Variants in CYP2B6 observed in about 807,000 individuals in gnomAD.
The protein encoded by CYP2B6 is cytochrome P450 2B6.
CYP2B6 carries 35 observed loss-of-function variants against 43.4 expected under a neutral mutation model. The observed-to-expected ratio is 0.81, with a 90% confidence interval of 0.62 to 1.07. The LOEUF is 1.07. Ranked by LOEUF, CYP2B6 falls within the 50% of genes least tolerant of loss-of-function variation. The pLI is 0.00. For missense variants in CYP2B6, 624 were observed against 632.8 expected (o/e 0.99, Z 0.15); for synonymous variants, 239 against 239.2 (o/e 1.00, Z 0.01).
intron 1 of CYP2B6, among the ~76,000 whole-genome samples, chr19:41,002,706 G>A (rs1307124148): frequency 1.3e-5 from 2 of 152,030 alleles, no homozygotes; most frequent in East Asian, 3.9e-4. Context: ...GAGCCACCAT[G>A]CCTGGCTAAT....
At chr19:40,995,376 A>G (rs1968985093) in intron 1 of CYP2B6, among the ~76,000 whole-genome samples, 1 of 152,146 alleles carries the variant, frequency 6.6e-6, no homozygotes, top group South Asian at 2.1e-4. Context: ...TTTGCTACAG[A>G]GAAGAACTTG....
At chr19:41,016,201 G>A (rs1969359810) in intron 8 of CYP2B6, among the ~76,000 whole-genome samples, 1 of 151,988 alleles carries the variant, frequency 6.6e-6, no homozygotes, top group Admixed American at 6.6e-5. Context: ...CTCGAGGCTA[G>A]CCTGGCCAAT....
At chr19:41,005,999 ACAGACCACTCTCCCTCCAGCTG>A (rs1433968671) in intron 3 of CYP2B6, among the ~76,000 whole-genome samples, 174 of 152,144 alleles carry the variant, frequency 1.1e-3, no homozygotes, top group African/African-American at 4.1e-3. Flanking sequence ...TTGGGTCCTT[ACAGACCACTCTCCCTCCAGCTG>A]GGGCCAGTGC....
At chr19:40,995,259 C>T (rs1246767042) in intron 1 of CYP2B6, among the ~76,000 whole-genome samples, 2 of 152,164 alleles carry the variant, frequency 1.3e-5, no homozygotes, top group Non-Finnish European at 2.9e-5. Context: ...GGAAAAACTT[C>T]CCTGGTCAGC....
At position 41,016,956 on chromosome 19, in the gene CYP2B6, C is replaced by G. The variant is rs751814945; in HGVS notation, c.*129C>G. On this transcript the variant is annotated 3_prime_UTR_variant, in exon 9 of 9. Transcript: ENST00000324071. Reference sequence around the variant, plus strand: ...TGCTACAAGCCAGCTTCCTTCCCCTCCATGGCACCAGTTGTCTGAGGTCAC... The same window carrying G: ...TGCTACAAGCCAGCTTCCTTCCCCTGCATGGCACCAGTTGTCTGAGGTCAC... 34 of 911,350 alleles carry G rather than the reference C, an allele frequency of 3.7e-5. No individual in the cohort carries two copies. Among genetic ancestry groups the G allele is most frequent in the Non-Finnish European group, 5.6e-5 (34 of 602,928 alleles). The allele number at this position is 911,350 out of a possible 1,614,324, so 56.5% of individuals were successfully genotyped here.
chr19:41,007,256 A>T (rs1398069785), intron 4 of CYP2B6, 191 bp downstream of exon 4: 273 of 612,198 alleles, frequency 4.5e-4, no homozygotes, highest in African/African-American at 4.3e-3. Flanking sequence ...AGACACTGAG[A>T]GAGAGAATGA....
rs28969421 is a variant in CYP2B6 at position 41,018,082 on chromosome 19, G to C, written c.*1255G>C. 6.6e-6 allele frequency: 1 copy of C among 152,144 alleles called. No homozygotes were observed. The highest frequency in any genetic ancestry group is 1.5e-5 in the Non-Finnish European group (1 of 68,042). 9.4% of individuals were successfully genotyped at this position (152,144 alleles called of 1,614,324 possible). On this transcript the variant is annotated 3_prime_UTR_variant, in exon 9 of 9. Coordinates refer to ENST00000324071, the MANE Select transcript of CYP2B6 (RefSeq NM_000767.5). ...TGGTGGTGAGCTCCTGGCCTCAGGT[G>C]ATCCACCCACCTCAGTGTTCCAAAG...
At chr19:41,012,924 A>T in intron 8 of CYP2B6, 109 bp downstream of exon 8, 1 of 1,279,092 alleles carries the variant, frequency 7.8e-7, no homozygotes, top group Non-Finnish European at 1.1e-6. Context: ...ATATATTCTG[A>T]TTGCTTCACC....
chr19:41,013,069 T>C, intron 8 of CYP2B6: 1 of 503,066 alleles, frequency 2.0e-6, no homozygotes. Context: ...GTGAGTTCAT[T>C]TTCTTAAAAA....
intron 1 of CYP2B6, among the ~76,000 whole-genome samples, chr19:40,994,935 T>C (rs1481103824): frequency 6.6e-6 from 1 of 152,152 alleles, no homozygotes; most frequent in East Asian, 1.9e-4. Flanking sequence ...TTGGGGTTTC[T>C]GGGTGATTCT....
chr19:41,003,853 G>A, intron 1 of CYP2B6, 148 bp from the exon 2 acceptor site: 1 of 1,024,356 alleles, frequency 9.8e-7, no homozygotes, highest in South Asian at 1.4e-5. Flanking sequence ...ACCCTTAATT[G>A]CTGGGTCCCA....
intron 1 of CYP2B6, among the ~76,000 whole-genome samples, chr19:40,991,851 T>TG (rs1568556263): frequency 2.0e-5 from 3 of 152,020 alleles, no homozygotes; most frequent in South Asian, 2.1e-4. Context: ...TTGCAGCCTG[T>TG]GTGGACTGAA....
At chr19:41,007,988 A>C (rs1056480665) in intron 4 of CYP2B6, among the ~76,000 whole-genome samples, 1 of 151,746 alleles carries the variant, frequency 6.6e-6, no homozygotes, top group African/African-American at 2.4e-5. Context: ...CCTAAAGAAA[A>C]TGAAGGATAA....
At chr19:41,001,480 T>C (rs1268388553) in intron 1 of CYP2B6, among the ~76,000 whole-genome samples, 1 of 152,156 alleles carries the variant, frequency 6.6e-6, no homozygotes, top group Non-Finnish European at 1.5e-5. Flanking sequence ...CAGATTCTTT[T>C]TGATGTCAGA....
chr19:40,998,547 A>G (rs966100111), intron 1 of CYP2B6, among the ~76,000 whole-genome samples: 1 of 142,168 alleles, frequency 7.0e-6, no homozygotes, highest in Non-Finnish European at 1.5e-5. Flanking sequence ...AGCATTAGGT[A>G]TATCTCCCAA....
chr19:41,004,625 T>C (rs1459760261), intron 3 of CYP2B6, among the ~76,000 whole-genome samples, 179 bp downstream of exon 3: 2 of 151,162 alleles, frequency 1.3e-5, no homozygotes, highest in African/African-American at 2.4e-5. Flanking sequence ...TAGAGAGGGA[T>C]GGGGATGGGC....
rs3745274 is a variant in CYP2B6, at chr19:41,006,936, G to A, written c.516G>A (p.Gln172=). 1 of 1,613,662 alleles carries A rather than the reference G, an allele frequency of 6.2e-7. No individual in the cohort carries two copies. The highest frequency in any genetic ancestry group is 1.1e-5 in the South Asian group (1 of 91,060). The change falls in exon 4 of 9, where the codon CAG becomes CAA. Residue 172 remains glutamine, a synonymous_variant. Transcript: ENST00000324071. ...TCATGGACCCCACCTTCCTCTTCCA[G>A]TCCATTACCGCCAACATCATCTGCT... ...GALMDPTFLF[Q]SITANIICSI...
rs576595667 is a variant in CYP2B6, at chr19:41,012,583, G to A, written c.1153-91G>A. ...TTTGTTAGCTCCTTAATTGAGTCCC[G>A]TTGTTTTTGTTTTTTGTATTTCTTT... On this transcript the variant is annotated intron_variant, in intron 7 of 8. Coordinates refer to ENST00000324071, the MANE Select transcript of CYP2B6 (RefSeq NM_000767.5). 65 of 1,609,680 alleles carry A rather than the reference G, an allele frequency of 4.0e-5. No individual in the cohort carries two copies. The Middle Eastern group carries it at 5.0e-4, about 12-fold the overall frequency.
chr19:41,009,965 C>G, intron 5 of CYP2B6, 29 bp from the exon 6 acceptor site: 1 of 1,613,872 alleles, frequency 6.2e-7, no homozygotes, highest in Non-Finnish European at 8.5e-7. Context: ...TCCCCTGACC[C>G]TCCCCTTCCT....
Sources: gnomAD v4.1 joint callset for allele counts (sites outside exome capture counted in the v4.1 genomes callset) on GRCh38, gnomAD v4.1.1 for gene constraint, MANE v1.5 for transcripts, NCBI Gene and HGNC (gene_info 2026-07-23, HGNC 2026-07-21) for gene names.